GPR137C: variants seen among roughly 807,000 people sequenced by gnomAD.
GPR137C encodes the protein G protein-coupled receptor 137C.
Under a neutral mutation model 43.4 loss-of-function variants are expected in GPR137C, and 27 were observed. That is an observed-to-expected ratio of 0.62 (90% CI 0.46 to 0.86). The LOEUF (loss-of-function observed/expected upper bound fraction) is 0.86. GPR137C is among the 40% of genes least tolerant of loss of function. The pLI, the probability that GPR137C is intolerant of heterozygous loss-of-function variation, is 0.00. For synonymous variants in GPR137C, 285 were observed against 226.9 expected, an observed-to-expected ratio of 1.26 and a Z score of -2.30; for missense variants, 522 against 534.6, an observed-to-expected ratio of 0.98 and a Z score of 0.23.
intron 1 of GPR137C, among the ~76,000 whole-genome samples, chr14:52,575,029 A>G (rs2038529923): frequency 6.6e-6 from 1 of 152,226 alleles, no homozygotes; most frequent in Non-Finnish European, 1.5e-5. Context: ...TCTATATTGT[A>G]TGAGACTCTT....
At chr14:52,622,911 G>T (rs886886588) in intron 3 of GPR137C, among the ~76,000 whole-genome samples, 1 of 152,178 alleles carries the variant, frequency 6.6e-6, no homozygotes, top group South Asian at 2.1e-4. Flanking sequence ...GTGCATGGTA[G>T]TGAAGAATAT....
chr14:52,571,917 C>A (rs999289566), intron 1 of GPR137C, among the ~76,000 whole-genome samples: 1 of 152,122 alleles, frequency 6.6e-6, no homozygotes, highest in African/African-American at 2.4e-5. Flanking sequence ...AAGGGGATAT[C>A]ATCACCGATC....
At chr14:52,554,103 TCTC>T (rs1204394229) in intron 1 of GPR137C, among the ~76,000 whole-genome samples, 1 of 152,178 alleles carries the variant, frequency 6.6e-6, no homozygotes, top group Non-Finnish European at 1.5e-5. Flanking sequence ...CCCTCCTGCA[TCTC>T]CTTTCCTGTG....
At chr14:52,570,118 G>A (rs1471878772) in intron 1 of GPR137C, among the ~76,000 whole-genome samples, 2 of 152,122 alleles carry the variant, frequency 1.3e-5, no homozygotes, top group African/African-American at 4.8e-5. Flanking sequence ...ACCCACAAAG[G>A]GAAGCCCATC....
At chr14:52,568,324 C>A (rs2038404977) in intron 1 of GPR137C, among the ~76,000 whole-genome samples, 1 of 152,242 alleles carries the variant, frequency 6.6e-6, no homozygotes, top group African/African-American at 2.4e-5. Context: ...CAGGAGATTC[C>A]CTTGGGTGCC....
chr14:52,559,941 G>A (rs534228815), intron 1 of GPR137C, among the ~76,000 whole-genome samples: 9 of 152,178 alleles, frequency 5.9e-5, no homozygotes, highest in South Asian at 2.1e-4. Context: ...TGGGAGGATC[G>A]CTTTAGCTCA....
chr14:52,560,150 C>T (rs903688929), intron 1 of GPR137C, among the ~76,000 whole-genome samples: 2 of 152,062 alleles, frequency 1.3e-5, no homozygotes, highest in African/African-American at 4.8e-5. Context: ...GAACAAGACC[C>T]TGTTTCAAAA....
intron 3 of GPR137C, among the ~76,000 whole-genome samples, chr14:52,621,984 T>A (rs2039167161): frequency 6.6e-6 from 1 of 151,890 alleles, no homozygotes; most frequent in African/African-American, 2.4e-5. Context: ...AAAATAATAC[T>A]GAGAAGATTG....
intron 1 of GPR137C, among the ~76,000 whole-genome samples, chr14:52,579,672 A>G (rs1257714608): frequency 5.3e-5 from 8 of 152,220 alleles, no homozygotes; most frequent in Non-Finnish European, 1.2e-4. Flanking sequence ...GAGGGAAAAG[A>G]TACATAAAGC....
At chr14:52,598,448 GA>G in intron 2 of GPR137C, 133 bp downstream of exon 2, 1 of 430,932 alleles carries the variant, frequency 2.3e-6, no homozygotes, top group Non-Finnish European at 4.2e-6. Flanking sequence ...AGTGGTTGTT[GA>G]GGGCACCTTC....
At chr14:52,568,856 T>C (rs1021274845) in intron 1 of GPR137C, among the ~76,000 whole-genome samples, 2 of 152,342 alleles carry the variant, frequency 1.3e-5, no homozygotes, top group East Asian at 3.9e-4. Flanking sequence ...AAGGGGCGGC[T>C]GTGGGCACAG....
rs192487711 is a variant in GPR137C at position 52,587,108 on chromosome 14, A to C, written c.445-11164A>C. ...ACACTATCCCACACACCACCACCAC[A>C]CGAAAACACTTTCTTTGACCTTAAT... On this transcript the variant is annotated intron_variant, in intron 1 of 6. Transcript: ENST00000321662. 3.0e-4 allele frequency among the ~76,000 whole-genome samples: 46 copies of C among 152,230 alleles called. 1 individual carries two copies. The highest frequency in any genetic ancestry group is 3.4e-3 in the Middle Eastern group (1 of 294).
intron 2 of GPR137C, among the ~76,000 whole-genome samples, chr14:52,599,458 C>T (rs1356827492): frequency 5.5e-4 from 76 of 137,278 alleles, no homozygotes; most frequent in Non-Finnish European, 2.9e-4. Context: ...TTTATTGATA[C>T]AGTCTCGCAG....
intron 1 of GPR137C, among the ~76,000 whole-genome samples, chr14:52,562,547 C>G (rs1023066931): frequency 6.6e-6 from 1 of 152,050 alleles, no homozygotes; most frequent in Non-Finnish European, 1.5e-5. Context: ...CACTTGAGCC[C>G]AGGAGATTGA....
intron 1 of GPR137C, among the ~76,000 whole-genome samples, chr14:52,570,119 G>A (rs538079969): frequency 6.6e-6 from 1 of 152,268 alleles, no homozygotes; most frequent in African/African-American, 2.4e-5. Context: ...CCCACAAAGG[G>A]AAGCCCATCA....
intron 1 of GPR137C, among the ~76,000 whole-genome samples, chr14:52,559,992 A>G (rs1220512862): frequency 1.3e-5 from 2 of 152,024 alleles, no homozygotes; most frequent in African/African-American, 4.8e-5. Flanking sequence ...CCTCATCTCT[A>G]CAAAAAAATA....
intron 1 of GPR137C, among the ~76,000 whole-genome samples, chr14:52,585,809 T>C (rs1232004199): frequency 6.6e-6 from 1 of 151,638 alleles, no homozygotes; most frequent in Non-Finnish European, 1.5e-5. Flanking sequence ...CATTCCAACC[T>C]GGGCGATAGA....
chr14:52,557,746 A>G (rs1299077866), intron 1 of GPR137C, among the ~76,000 whole-genome samples: 2 of 151,982 alleles, frequency 1.3e-5, no homozygotes, highest in African/African-American at 2.4e-5. Flanking sequence ...TGAAATAGAA[A>G]GAGATGTGAT....
chr14:52,623,322 T>G (rs867141714), intron 3 of GPR137C, among the ~76,000 whole-genome samples: 1 of 152,212 alleles, frequency 6.6e-6, no homozygotes, highest in African/African-American at 2.4e-5. Flanking sequence ...TTATAAACTT[T>G]CCATCCAGCA....
Sources: gnomAD v4.1 joint callset for allele counts (sites outside exome capture counted in the v4.1 genomes callset) on GRCh38, gnomAD v4.1.1 for gene constraint, MANE v1.5 for transcripts, NCBI Gene and HGNC (gene_info 2026-07-23, HGNC 2026-07-21) for gene names.